The following TTLL11 variants were observed in gnomAD, a reference collection of about 807,000 sequenced individuals.
TTLL11 encodes the protein tubulin polyglutamylase TTLL11.
In TTLL11, 42 loss-of-function variants were observed where a neutral mutation model predicts 51.7. The ratio of observed to expected loss-of-function variants is 0.81; its 90% CI spans 0.64 to 1.05. TTLL11 has a LOEUF of 1.05. Among genes scored for constraint, TTLL11 ranks in the 50% least tolerant of loss-of-function variants. TTLL11 has a pLI of 0.00. For synonymous variants in TTLL11, 381 were observed against 383.5 expected, an observed-to-expected ratio of 0.99 and a Z score of 0.08; for missense variants, 799 against 940.4, an observed-to-expected ratio of 0.85 and a Z score of 1.97.
At chr9:121,960,432 C>T (rs1006890703) in intron 6 of TTLL11, among the ~76,000 whole-genome samples, 1 of 152,098 alleles carries the variant, frequency 6.6e-6, no homozygotes, top group Non-Finnish European at 1.5e-5. Flanking sequence ...GCTCTGAGAG[C>T]CCCATGTCCT....
In TTLL11 at chr9:121,863,838, A is replaced by G. The variant is rs780976696; in HGVS notation, c.1734-3395T>C. 1.4e-3 allele frequency among the ~76,000 whole-genome samples: 220 copies of G among 152,346 alleles called. 1 individual carries two copies. The highest frequency in any genetic ancestry group is 2.5e-3 in the Non-Finnish European group (172 of 68,030). On this transcript the variant is annotated intron_variant, in intron 7 of 8. Coordinates refer to ENST00000321582, the MANE Select transcript of TTLL11 (RefSeq NM_001139442.2). ...CAAGAGATGGGACGTGACTTGCCCAACGTCACACAGCCGGAATTCACATCT... is the reference window on the plus strand; with the variant it reads ...CAAGAGATGGGACGTGACTTGCCCAGCGTCACACAGCCGGAATTCACATCT...
intron 8 of TTLL11, among the ~76,000 whole-genome samples, chr9:121,844,755 G>C (rs1254841750): frequency 6.6e-6 from 1 of 151,910 alleles, no homozygotes; most frequent in Non-Finnish European, 1.5e-5. Context: ...CAGCAGATTG[G>C]ATACAGTCAA....
chr9:121,974,863 T>G, intron 5 of TTLL11, 21 bp downstream of exon 5: 187 of 1,502,722 alleles, frequency 1.2e-4, no homozygotes, highest in Non-Finnish European at 1.5e-4. Flanking sequence ...ACATAGTCAA[T>G]GAGATGCTCA....
At chr9:121,894,915 T>TA (rs1200895073) in intron 6 of TTLL11, among the ~76,000 whole-genome samples, 1 of 151,954 alleles carries the variant, frequency 6.6e-6, no homozygotes, top group Non-Finnish European at 1.5e-5. Context: ...AAAAAAGGGT[T>TA]AAAAAATTGG....
intron 6 of TTLL11, among the ~76,000 whole-genome samples, chr9:121,892,431 A>G (rs1163840280): frequency 1.3e-5 from 2 of 152,038 alleles, no homozygotes; most frequent in East Asian, 3.9e-4. Flanking sequence ...GGCAAGAGAG[A>G]ATGAGAGTCA....
intron 2 of TTLL11, among the ~76,000 whole-genome samples, chr9:122,034,859 C>G (rs972804750): frequency 6.6e-6 from 1 of 152,174 alleles, no homozygotes; most frequent in Non-Finnish European, 1.5e-5. Context: ...AGCTGCAGCG[C>G]CTGACCCCTC....
At chr9:122,030,839 G>A (rs1844519337) in intron 3 of TTLL11, among the ~76,000 whole-genome samples, 1 of 151,654 alleles carries the variant, frequency 6.6e-6, no homozygotes, top group Admixed American at 6.6e-5. Flanking sequence ...TACTCAGAAG[G>A]CTGAGGCAGG....
intron 7 of TTLL11, among the ~76,000 whole-genome samples, chr9:121,862,478 C>A (rs975627348): frequency 3.3e-5 from 5 of 152,194 alleles, no homozygotes; most frequent in African/African-American, 4.8e-5. Context: ...TTTCCCTTTT[C>A]TTCCTCTAGA....
At chr9:122,044,468 C>T (rs1341240276) in intron 1 of TTLL11, among the ~76,000 whole-genome samples, 1 of 152,218 alleles carries the variant, frequency 6.6e-6, no homozygotes, top group East Asian at 1.9e-4. Context: ...AGTTTACAGT[C>T]CCACCAACAG....
intron 6 of TTLL11, among the ~76,000 whole-genome samples, chr9:121,897,618 G>GCACACACACACACACACACACACA (rs745877337): frequency 1.3e-3 from 178 of 136,960 alleles, no homozygotes; most frequent in East Asian, 2.3e-3. Context: ...TTCCCTCCAG[G>GCACACACACACACACACACACACA]CACACACACA....
chr9:121,826,557 G>GTGTGTA (rs1189626793), intron 8 of TTLL11, among the ~76,000 whole-genome samples: 2 of 51,346 alleles, frequency 3.9e-5, no homozygotes, highest in African/African-American at 1.4e-4. Flanking sequence ...ATATGTGTGT[G>GTGTGTA]TATATATATA....
chr9:121,851,364 A>T (rs576122580), intron 8 of TTLL11, among the ~76,000 whole-genome samples: 8 of 152,378 alleles, frequency 5.3e-5, no homozygotes, highest in Non-Finnish European at 1.0e-4. Context: ...TCCATTAATT[A>T]TAACAGCACA....
chr9:121,874,849 C>T (rs1187613843), intron 6 of TTLL11, among the ~76,000 whole-genome samples: 3 of 151,718 alleles, frequency 2.0e-5, no homozygotes, highest in Non-Finnish European at 2.9e-5. Flanking sequence ...CTCCGCCTCC[C>T]GGGTTCAAGC....
chr9:121,971,816 G>C (rs375654785), intron 6 of TTLL11, among the ~76,000 whole-genome samples: 1 of 148,870 alleles, frequency 6.7e-6, no homozygotes, highest in East Asian at 1.9e-4. Flanking sequence ...AAAAGAATGA[G>C]TTCATGTCCT....
Position 121,818,814 on chromosome 9 carries a change from A to C in TTLL11, c.*3773T>G, listed in dbSNP as rs982981514. 6.6e-6 allele frequency: 1 copy of C among 152,498 alleles called. No individual in the cohort carries two copies. Among genetic ancestry groups the C allele is most frequent in the African/African-American group, 2.4e-5 (1 of 41,428 alleles). 9.4% of individuals were successfully genotyped at this position (152,498 alleles called of 1,614,324 possible). A position where few individuals can be genotyped will look rare whatever the true frequency, so the allele number is the denominator to read the frequency against. ...GCAGGGGTCGGACAGGGGCTCAGGG[A>C]GGCTGCAGAGCCTGGTCCTGAGGTG... is the stretch of plus-strand genomic sequence containing the variant. On this transcript the variant is annotated 3_prime_UTR_variant, in exon 9 of 9. Coordinates refer to ENST00000321582, the MANE Select transcript of TTLL11 (RefSeq NM_001139442.2).
intron 8 of TTLL11, among the ~76,000 whole-genome samples, chr9:121,852,104 G>T (rs1340273469): frequency 2.6e-5 from 4 of 152,206 alleles, no homozygotes; most frequent in Non-Finnish European, 5.9e-5. Flanking sequence ...AGCCCTCTGA[G>T]CCTTGGTTTC....
chr9:121,832,936 T>A (rs1029882992), intron 8 of TTLL11, among the ~76,000 whole-genome samples: 5 of 152,128 alleles, frequency 3.3e-5, no homozygotes, highest in African/African-American at 1.2e-4. Flanking sequence ...TGAGATTCCA[T>A]CTCAAACAAA....
intron 3 of TTLL11, among the ~76,000 whole-genome samples, chr9:122,022,397 A>AAT (rs111435417): frequency 0.044 from 6,679 of 152,120 alleles, 172 homozygotes; most frequent in African/African-American, 0.073. Context: ...AGAGAAAAAG[A>AAT]ATGTTATATA....
At chr9:121,914,917 A>T (rs1840269350) in intron 6 of TTLL11, among the ~76,000 whole-genome samples, 1 of 152,114 alleles carries the variant, frequency 6.6e-6, no homozygotes, top group Non-Finnish European at 1.5e-5. Flanking sequence ...GCTTGTGCCA[A>T]GTGTGGCCCA....
Sources: gnomAD v4.1 joint callset for allele counts (sites outside exome capture counted in the v4.1 genomes callset) on GRCh38, gnomAD v4.1.1 for gene constraint, MANE v1.5 for transcripts, NCBI Gene and HGNC (gene_info 2026-07-23, HGNC 2026-07-21) for gene names.